ABCA12: variants seen among roughly 807,000 people sequenced by gnomAD.
ABCA12 encodes the protein glucosylceramide transporter ABCA12.
A neutral mutation model predicts 293.5 loss-of-function variants in ABCA12; 156 were observed. The ratio of observed to expected loss-of-function variants is 0.53; its 90% CI spans 0.47 to 0.61. The LOEUF is 0.61. ABCA12 is among the 20% of genes least tolerant of loss of function. The pLI is 0.00. For missense variants in ABCA12, 2,797 were observed against 3,090.2 expected (o/e 0.91, Z 2.25); for synonymous variants, 1,063 against 1,108.0 (o/e 0.96, Z 0.81).
intron 36 of ABCA12, among the ~76,000 whole-genome samples, chr2:214,971,001 C>T (rs1699374564): frequency 6.6e-6 from 1 of 152,024 alleles, no homozygotes; most frequent in East Asian, 1.9e-4. Context: ...TGGAGAGTTC[C>T]TGTGTACCCT....
rs1424907343 is a variant in ABCA12 at position 215,025,824 on chromosome 2, C to T, written c.1181-45G>A. ...AGTTACTTTATGTGAATTGCAAGGT[C>T]ATTTAGGAAACCAGTTTGAAAGACA... On this transcript the variant is annotated intron_variant, in intron 10 of 52. Coordinates refer to ENST00000272895, the MANE Select transcript of ABCA12 (RefSeq NM_173076.3). 8.5e-6 allele frequency: 12 copies of T among 1,411,694 alleles called. No homozygotes were observed. The Admixed American group carries it at 2.0e-4, about 24-fold the overall frequency. The allele number at this position is 1,411,694 out of a possible 1,614,324, so 87.4% of individuals were successfully genotyped here. A position where few individuals can be genotyped will look rare whatever the true frequency, so the allele number is the denominator to read the frequency against.
chr2:214,943,865 G>A (rs1698489246), intron 49 of ABCA12, among the ~76,000 whole-genome samples: 1 of 152,162 alleles, frequency 6.6e-6, no homozygotes, highest in Non-Finnish European at 1.5e-5. Flanking sequence ...CATTGTGCTG[G>A]GGCAAACTAT....
intron 19 of ABCA12, among the ~76,000 whole-genome samples, chr2:215,005,028 T>C (rs557352352): frequency 6.6e-6 from 1 of 152,348 alleles, no homozygotes; most frequent in Admixed American, 6.5e-5. Context: ...ATAACTTCTA[T>C]CACTCTAGGA....
intron 38 of ABCA12, among the ~76,000 whole-genome samples, chr2:214,967,445 C>T (rs1197925979): frequency 6.6e-6 from 1 of 152,098 alleles, no homozygotes; most frequent in Non-Finnish European, 1.5e-5. Context: ...TTATAACCTA[C>T]CAAATGGGGC....
intron 35 of ABCA12, 70 bp from the exon 36 acceptor site, chr2:214,974,112 TA>T: frequency 7.4e-7 from 1 of 1,352,208 alleles, no homozygotes; most frequent in Non-Finnish European, 1.1e-6. Context: ...TATGAGCATG[TA>T]AACAAGTATT....
Position 214,983,779 on chromosome 2 carries a change from C to T in ABCA12, c.4250G>A (p.Arg1417Gln), listed in dbSNP as rs78964730. 1.3e-4 allele frequency: 216 copies of T among 1,614,128 alleles called. No homozygotes were observed. The African/African-American group carries it at 2.3e-3, about 17-fold the overall frequency. Residue 1417 changes from arginine to glutamine, a missense_variant, in exon 29 of 53, where the codon CGG (arginine) becomes CAG (glutamine). Transcript: ENST00000272895. ...KDIKTDLHTVRKNMGVCMQHD... is the reference protein window; with the variant it reads ...KDIKTDLHTVQKNMGVCMQHD... Reference sequence around the variant, plus strand: ...CTGCATACAGACTCCCATGTTCTTCCGTACCGTGTGTAGGTCTGTTTTGAT... The same window carrying T: ...CTGCATACAGACTCCCATGTTCTTCTGTACCGTGTGTAGGTCTGTTTTGAT...
intron 31 of ABCA12, among the ~76,000 whole-genome samples, chr2:214,979,859 T>C (rs1224664093): frequency 6.6e-6 from 1 of 152,210 alleles, no homozygotes; most frequent in Admixed American, 6.5e-5. Flanking sequence ...ATGGAGGTAG[T>C]TGAAAACTTC....
At chr2:215,025,622 CTTTT>C (rs1559153406) in intron 11 of ABCA12, 47 bp downstream of exon 11, 1 of 1,061,240 alleles carries the variant, frequency 9.4e-7, no homozygotes, top group African/African-American at 4.0e-5. Flanking sequence ...TTTGTTTTGT[CTTTT>C]TGTTTTTTTT....
At chr2:215,137,884 G>C (rs1234436360) in intron 1 of ABCA12, among the ~76,000 whole-genome samples, 1 of 151,432 alleles carries the variant, frequency 6.6e-6, no homozygotes, top group Non-Finnish European at 1.5e-5. Flanking sequence ...AATGAGTCAT[G>C]TTCTTTTTTT....
Position 215,138,376 on chromosome 2 carries a change from AT to A in ABCA12, c.-169del. 1.4e-6 allele frequency: 1 copy of A among 724,812 alleles called. No individual in the cohort carries two copies. Among genetic ancestry groups the A allele is most frequent in the Middle Eastern group, 2.4e-4 (1 of 4,142 alleles). The allele number at this position is 724,812 out of a possible 1,614,324, so 44.9% of individuals were successfully genotyped here. On this transcript the variant is annotated 5_prime_UTR_variant, in exon 1 of 53. Coordinates refer to ENST00000272895, the MANE Select transcript of ABCA12 (RefSeq NM_173076.3). ...CCCACAGTTCTTCTGTTTCTGCTGGATTTTTCCCTGTGGTTAATCCTTAACC... is the reference window on the plus strand; with the variant it reads ...CCCACAGTTCTTCTGTTTCTGCTGGATTTTCCCTGTGGTTAATCCTTAACC...
chr2:214,953,231 T>C (rs902925871), intron 44 of ABCA12, among the ~76,000 whole-genome samples: 13 of 152,228 alleles, frequency 8.5e-5, no homozygotes, highest in African/African-American at 3.1e-4. Context: ...TTAGTGAATC[T>C]ATGTATATAA....
At chr2:214,982,748 A>T (rs1699696152) in intron 29 of ABCA12, among the ~76,000 whole-genome samples, 1 of 152,166 alleles carries the variant, frequency 6.6e-6, no homozygotes, top group South Asian at 2.1e-4. Flanking sequence ...TGAACACATA[A>T]AATTTCTATT....
chr2:215,015,823 C>A (rs1252494690), intron 14 of ABCA12, among the ~76,000 whole-genome samples, 160 bp from the exon 15 acceptor site: 1 of 152,188 alleles, frequency 6.6e-6, no homozygotes, highest in East Asian at 1.9e-4. Flanking sequence ...ATTAATAAGA[C>A]AATAGAGAAT....
intron 2 of ABCA12, among the ~76,000 whole-genome samples, chr2:215,086,277 T>C (rs530564068): frequency 1.3e-5 from 2 of 152,320 alleles, no homozygotes; most frequent in African/African-American, 4.8e-5. Flanking sequence ...ACTTCTAATC[T>C]ACAATCCAGA....
intron 7 of ABCA12, among the ~76,000 whole-genome samples, chr2:215,043,468 T>G (rs1701141908): frequency 6.6e-6 from 1 of 152,148 alleles, no homozygotes; most frequent in African/African-American, 2.4e-5. Context: ...GTTGTTAAAA[T>G]AGCCACAGCA....
intron 2 of ABCA12, among the ~76,000 whole-genome samples, chr2:215,090,396 C>T (rs927231599): frequency 6.6e-6 from 1 of 152,182 alleles, no homozygotes; most frequent in Non-Finnish European, 1.5e-5. Context: ...CCACCTACCA[C>T]CTCGGGTCCT....
intron 2 of ABCA12, among the ~76,000 whole-genome samples, chr2:215,066,208 A>G (rs766718828): frequency 6.6e-6 from 1 of 152,052 alleles, no homozygotes; most frequent in Non-Finnish European, 1.5e-5. Context: ...ACTCTGTTAC[A>G]CAGATCTCCA....
At chr2:214,955,448 G>T in intron 42 of ABCA12, 87 bp from the exon 43 acceptor site, 4 of 1,333,376 alleles carry the variant, frequency 3.0e-6, no homozygotes, top group Non-Finnish European at 3.2e-6. Context: ...TTAGGAGGCT[G>T]AGGCAGGTGG....
Position 215,093,341 on chromosome 2 carries a change from C to T in ABCA12, c.163+18256G>A, listed in dbSNP as rs981226038. ...CCTGGTTTTGCCATCCCAACTAAAC[C>T]ATTACATAAACTCACAAATGGAAAC... is the stretch of plus-strand genomic sequence containing the variant. On this transcript the variant is annotated intron_variant, in intron 2 of 52. Transcript: ENST00000272895. Among the ~76,000 whole-genome samples, 4 of 152,258 alleles carry T rather than the reference C, an allele frequency of 2.6e-5. No individual in the cohort carries two copies. In the East Asian group the frequency reaches 7.7e-4, roughly 29 times the overall value.
Sources: gnomAD v4.1 joint callset for allele counts (sites outside exome capture counted in the v4.1 genomes callset) on GRCh38, gnomAD v4.1.1 for gene constraint, MANE v1.5 for transcripts, NCBI Gene and HGNC (gene_info 2026-07-23, HGNC 2026-07-21) for gene names.